CDH9: variants seen among roughly 807,000 people sequenced by gnomAD.
CDH9 encodes cadherin-9.
A neutral mutation model predicts 70.9 loss-of-function variants in CDH9; 28 were observed. That is an observed-to-expected ratio of 0.40 (90% confidence interval 0.29 to 0.54). The LOEUF is 0.54. CDH9 is among the 20% of genes least tolerant of loss of function. The pLI is 0.59. For missense variants in CDH9, 874 were observed against 984.4 expected, an observed-to-expected ratio of 0.89 and a Z score of 1.50; for synonymous variants, 409 against 343.1, an observed-to-expected ratio of 1.19 and a Z score of -2.12.
intron 1 of CDH9, among the ~76,000 whole-genome samples, chr5:27,036,296 C>T (rs1278179284): frequency 6.6e-6 from 1 of 151,810 alleles, no homozygotes; most frequent in African/African-American, 2.4e-5. Flanking sequence ...CAGGAAAACA[C>T]CAGAACAAAT....
At chr5:26,983,177 T>C (rs917722527) in intron 2 of CDH9, among the ~76,000 whole-genome samples, 5 of 152,108 alleles carry the variant, frequency 3.3e-5, no homozygotes, top group Non-Finnish European at 5.9e-5. Flanking sequence ...GGTCTGCGGA[T>C]GTGATGAACA....
At chr5:26,887,317 A>T (rs1479053806) in intron 9 of CDH9, among the ~76,000 whole-genome samples, 2 of 151,754 alleles carry the variant, frequency 1.3e-5, no homozygotes, top group African/African-American at 4.8e-5. Context: ...AATCATAAAA[A>T]GTTGGTCTTT....
chr5:26,981,596 T>C (rs953915886), intron 2 of CDH9, among the ~76,000 whole-genome samples: 7 of 152,172 alleles, frequency 4.6e-5, no homozygotes, highest in South Asian at 2.1e-4. Context: ...GTGGATCATG[T>C]TTTTATACAT....
intron 2 of CDH9, among the ~76,000 whole-genome samples, chr5:26,949,064 G>A (rs10074399): frequency 0.098 from 14,848 of 152,152 alleles, 2,399 homozygotes; most frequent in African/African-American, 0.34. Flanking sequence ...TAGTACTGAT[G>A]TCATTGAATT....
intron 2 of CDH9, among the ~76,000 whole-genome samples, chr5:26,929,668 T>C (rs1166573889): frequency 6.6e-6 from 1 of 151,960 alleles, no homozygotes; most frequent in Admixed American, 6.6e-5. Flanking sequence ...CCATAAAAAA[T>C]AGCGAGATTC....
chr5:27,027,772 T>C lies in CDH9; in HGVS notation c.-50+10691A>G, dbSNP rs527509241. Among the ~76,000 whole-genome samples, 19 of 152,084 alleles carry C rather than the reference T, an allele frequency of 1.2e-4. No homozygotes were observed. In the East Asian group the frequency reaches 3.5e-3, roughly 28 times the overall value. ...ACTAGCAAAACAGAGAAAGTAAATA[T>C]GGGAGCTGGGAAGAGATCATGGGTC... On this transcript the variant is annotated intron_variant, in intron 1 of 11. Coordinates refer to ENST00000231021, the MANE Select transcript of CDH9 (RefSeq NM_016279.4).
At chr5:26,936,693 A>G (rs188223909) in intron 2 of CDH9, among the ~76,000 whole-genome samples, 82 of 152,248 alleles carry the variant, frequency 5.4e-4, no homozygotes, top group Non-Finnish European at 1.1e-3. Flanking sequence ...GAATAAGTAA[A>G]CAAATAGATC....
chr5:26,961,259 G>T (rs1742030047), intron 2 of CDH9, among the ~76,000 whole-genome samples: 1 of 151,956 alleles, frequency 6.6e-6, no homozygotes, highest in South Asian at 2.1e-4. Flanking sequence ...TTTTTGTGAA[G>T]AAAACACTCA....
intron 2 of CDH9, among the ~76,000 whole-genome samples, chr5:26,952,356 T>A (rs530622562): frequency 7.0e-6 from 1 of 142,870 alleles, no homozygotes; most frequent in South Asian, 2.3e-4. Flanking sequence ...GGCTCACGCC[T>A]GTAATCCCAG....
At position 26,890,446 on chromosome 5, in the gene CDH9, C is replaced by T. The variant is rs746317937; in HGVS notation, c.1372G>A (p.Val458Ile). 6.2e-7 allele frequency: 1 copy of T among 1,613,558 alleles called. No individual in the cohort carries two copies. The highest frequency in any genetic ancestry group is 2.2e-5 in the East Asian group (1 of 44,824). Residue 458 changes from valine to isoleucine, a missense_variant, in exon 8 of 12, where the codon GTT (valine) becomes ATT (isoleucine). Transcript: ENST00000231021. Reference protein sequence around the residue: ...RESSPWHNITVTATEINNPKQ... With the variant: ...RESSPWHNITITATEINNPKQ... ...AACTTACTTATTTCTGTGGCTGTAA[C>T]AGTGATGTTATGCCAAGGAGATGAT...
chr5:26,937,027 G>C (rs1035789989), intron 2 of CDH9, among the ~76,000 whole-genome samples: 1 of 152,016 alleles, frequency 6.6e-6, no homozygotes, highest in African/African-American at 2.4e-5. Flanking sequence ...AGAAAAATTG[G>C]TAAATTGAAC....
chr5:26,949,224 G>A (rs1741804486), intron 2 of CDH9, among the ~76,000 whole-genome samples: 1 of 152,184 alleles, frequency 6.6e-6, no homozygotes, highest in Non-Finnish European at 1.5e-5. Context: ...AACGAGGTTT[G>A]TCTTTTATTC....
chr5:26,895,880 C>A (rs779122671), intron 7 of CDH9, among the ~76,000 whole-genome samples: 14 of 151,948 alleles, frequency 9.2e-5, no homozygotes, highest in Non-Finnish European at 1.8e-4. Context: ...ACAAAACAGT[C>A]CCATGCTACA....
chr5:27,013,829 C>G (rs1011987359), intron 1 of CDH9, among the ~76,000 whole-genome samples: 2 of 151,950 alleles, frequency 1.3e-5, no homozygotes, highest in Non-Finnish European at 2.9e-5. Flanking sequence ...TAAATTCACT[C>G]GAGGAAGGTC....
rs1205316370 is a variant in CDH9 at position 26,932,132 on chromosome 5, T to TC, written c.229-16209_229-16208insG. 2.0e-5 allele frequency among the ~76,000 whole-genome samples: 3 copies of TC among 151,880 alleles called. No homozygotes were observed. The South Asian group carries it at 6.2e-4, about 32-fold the overall frequency. ...CTTTTCAAATATTTGAATATCATTT[T>TC]TTTATTATTGGTTTTTAGTTTGATT... On this transcript the variant is annotated intron_variant, in intron 2 of 11. Transcript: ENST00000231021.
At chr5:27,019,750 T>A (rs1196736898) in intron 1 of CDH9, among the ~76,000 whole-genome samples, 1 of 151,746 alleles carries the variant, frequency 6.6e-6, no homozygotes, top group Admixed American at 6.6e-5. Context: ...TGAAAGAGAG[T>A]TTTAAATTTA....
intron 7 of CDH9, among the ~76,000 whole-genome samples, chr5:26,900,857 G>A (rs1361955773): frequency 6.6e-6 from 1 of 151,970 alleles, no homozygotes; most frequent in Non-Finnish European, 1.5e-5. Flanking sequence ...AGCATTTGTA[G>A]CTACTGGTAT....
At chr5:26,902,161 A>G (rs1246270983) in intron 7 of CDH9, among the ~76,000 whole-genome samples, 1 of 151,924 alleles carries the variant, frequency 6.6e-6, no homozygotes, top group Non-Finnish European at 1.5e-5. Flanking sequence ...GCTAATAAAC[A>G]ATGGGCAAAT....
At chr5:26,959,687 T>G (rs1742001942) in intron 2 of CDH9, among the ~76,000 whole-genome samples, 1 of 152,058 alleles carries the variant, frequency 6.6e-6, no homozygotes, top group Admixed American at 6.6e-5. Context: ...AATAAAGTAC[T>G]GATACAACAC....
Sources: allele counts gnomAD v4.1 joint callset (sites outside exome capture counted in the v4.1 genomes callset), GRCh38; gene constraint gnomAD v4.1.1; transcripts MANE v1.5; gene names NCBI Gene and HGNC (gene_info 2026-07-23, HGNC 2026-07-21).